Variants in FAM20A observed in about 807,000 individuals in gnomAD.
FAM20A encodes pseudokinase FAM20A.
FAM20A carries 42 observed loss-of-function variants against 52.0 expected under a neutral mutation model. The observed-to-expected ratio is 0.81, with a 90% CI of 0.63 to 1.04. The LOEUF is 1.04. Among genes scored for constraint, FAM20A ranks in the 50% least tolerant of loss-of-function variants. The pLI is 0.00. For synonymous variants in FAM20A, 304 were observed against 298.9 expected (o/e 1.02, Z -0.18); for missense variants, 742 against 712.7 (o/e 1.04, Z -0.47).
At chr17:68,566,326 C>T (rs927517157) in intron 1 of FAM20A, among the ~76,000 whole-genome samples, 1 of 152,214 alleles carries the variant, frequency 6.6e-6, no homozygotes, top group Non-Finnish European at 1.5e-5. Flanking sequence ...CTTAGCACAG[C>T]ACCTTGTGCA....
Position 68,555,639 on chromosome 17 carries a change from C to A in FAM20A, c.509G>T (p.Arg170Leu), listed in dbSNP as rs200466905. 6 of 1,613,606 alleles carry A rather than the reference C, an allele frequency of 3.7e-6. No homozygotes were observed. The Admixed American group carries it at 1.0e-4, about 27-fold the overall frequency. The change falls in exon 2 of 11, where the codon CGC (arginine) becomes CTC (leucine). Residue 170 changes from arginine to leucine, a missense_variant. Coordinates refer to ENST00000592554, the MANE Select transcript of FAM20A (RefSeq NM_017565.4). Reference sequence around the variant, plus strand: ...GCTGGACCGGGAGTAGAGCCCATGGCGGTTAATACCCAGGTGGAACTGGAC... The same window carrying A: ...GCTGGACCGGGAGTAGAGCCCATGGAGGTTAATACCCAGGTGGAACTGGAC... Reference protein sequence around the residue: ...SWVQFHLGINRHGLYSRSSPV... With the variant: ...SWVQFHLGINLHGLYSRSSPV...
Position 68,555,582 on chromosome 17 carries a change from C to T in FAM20A, c.566G>A (p.Arg189Lys). ...PVVSKLLQDM[R>K]HFPTISADYS... ...ACCAGCACTGATGGTGGGAAAGTGC[C>T]TCATGTCTTGCAGAAGTTTGCTGAC... Residue 189 changes from arginine to lysine, a missense_variant, in exon 2 of 11, where the codon AGG becomes AAG. Coordinates refer to ENST00000592554, the MANE Select transcript of FAM20A (RefSeq NM_017565.4). 3.1e-6 allele frequency: 5 copies of T among 1,613,034 alleles called. No individual in the cohort carries two copies. The highest frequency in any genetic ancestry group is 4.2e-6 in the Non-Finnish European group (5 of 1,180,030).
In FAM20A at chr17:68,600,815, C is replaced by T. The variant is rs1429358235; in HGVS notation, c.-149G>A. ...GGAATGCTCCCCGCGCGGGCTAGTCCCCTGTGGAGGGGTGTCGCTCCTCAA... is the reference window on the plus strand; with the variant it reads ...GGAATGCTCCCCGCGCGGGCTAGTCTCCTGTGGAGGGGTGTCGCTCCTCAA... On this transcript the variant is annotated 5_prime_UTR_variant, in exon 1 of 11. Coordinates refer to ENST00000592554, the MANE Select transcript of FAM20A (RefSeq NM_017565.4). The surrounding 1 kb of genome is among the most constrained non-coding windows in gnomAD (Gnocchi z 6.2). The T allele has an allele frequency of 2.5e-6, 2 of 814,426 alleles. No individual in the cohort carries two copies. The highest frequency in any genetic ancestry group is 3.7e-6 in the Non-Finnish European group (2 of 541,932). The allele number at this position is 814,426 out of a possible 1,614,324, so 50.4% of individuals were successfully genotyped here. A position where few individuals can be genotyped will look rare whatever the true frequency, so the allele number is the denominator to read the frequency against.
intron 4 of FAM20A, among the ~76,000 whole-genome samples, chr17:68,549,451 G>A (rs371017285): frequency 1.1e-4 from 16 of 149,836 alleles, no homozygotes; most frequent in Admixed American, 4.0e-4. Context: ...CCGAGATAGC[G>A]CCACTGCACT....
At chr17:68,553,375 A>G (rs548611073) in intron 3 of FAM20A, among the ~76,000 whole-genome samples, 32 of 152,352 alleles carry the variant, frequency 2.1e-4, no homozygotes, top group African/African-American at 7.7e-4. Flanking sequence ...ATTTCTTAAG[A>G]GCAGTGTAAA....
rs1257837154 is a variant in FAM20A at position 68,536,565 on chromosome 17, A to G, written c.*912T>C. On this transcript the variant is annotated 3_prime_UTR_variant, in exon 11 of 11. Coordinates refer to ENST00000592554, the MANE Select transcript of FAM20A (RefSeq NM_017565.4). ...GGCATCTAGAGGGCCTCACCTTTCCACATAGCCCCTTTCTTCTTTTGGGGA... is the reference window on the plus strand; with the variant it reads ...GGCATCTAGAGGGCCTCACCTTTCCGCATAGCCCCTTTCTTCTTTTGGGGA... The G allele has an allele frequency of 2.2e-6, 1 of 453,910 alleles. No homozygotes were observed. The highest frequency in any genetic ancestry group is 6.9e-4 in the Middle Eastern group (1 of 1,444). 28.1% of individuals were successfully genotyped at this position (453,910 alleles called of 1,614,324 possible).
At chr17:68,550,261 A>C (rs2086771609) in intron 4 of FAM20A, among the ~76,000 whole-genome samples, 1 of 152,170 alleles carries the variant, frequency 6.6e-6, no homozygotes, top group Non-Finnish European at 1.5e-5. Context: ...TTTTAAAATC[A>C]ATATAAATAT....
intron 1 of FAM20A, among the ~76,000 whole-genome samples, chr17:68,575,821 CACACACACACAT>C (rs1424513148): frequency 7.4e-6 from 1 of 135,686 alleles, no homozygotes; most frequent in South Asian, 2.5e-4. Context: ...CACACACACA[CACACACACACAT>C]AATCAGCCAT....
intron 1 of FAM20A, among the ~76,000 whole-genome samples, chr17:68,587,049 C>A (rs556283400): frequency 6.6e-6 from 1 of 152,180 alleles, no homozygotes; most frequent in East Asian, 1.9e-4. Context: ...CACTACCATG[C>A]CCAGCTATTT....
chr17:68,542,278 G>T lies in FAM20A; in HGVS notation c.929-113C>A. On this transcript the variant is annotated intron_variant, in intron 6 of 10. Coordinates refer to ENST00000592554, the MANE Select transcript of FAM20A (RefSeq NM_017565.4). ...AGGGAAACCCTGAACTCACAGCTCG[G>T]GAAGAGAAAGAAGAAGAAGGAAACA... 3 of 1,130,832 alleles carry T rather than the reference G, an allele frequency of 2.7e-6. No individual in the cohort carries two copies. The South Asian group carries it at 4.1e-5, about 15-fold the overall frequency. The allele number at this position is 1,130,832 out of a possible 1,614,324, so 70.0% of individuals were successfully genotyped here.
chr17:68,595,218 C>G (rs2088421025), intron 1 of FAM20A, among the ~76,000 whole-genome samples: 1 of 152,252 alleles, frequency 6.6e-6, no homozygotes, highest in South Asian at 2.1e-4. Flanking sequence ...AACAATGGAA[C>G]AGCCTCTGGT....
At chr17:68,585,347 C>T (rs950508470) in intron 1 of FAM20A, among the ~76,000 whole-genome samples, 2 of 151,774 alleles carry the variant, frequency 1.3e-5, no homozygotes, top group Admixed American at 6.6e-5. Flanking sequence ...TATTCAACCC[C>T]TCTGCCTCCC....
intron 1 of FAM20A, among the ~76,000 whole-genome samples, chr17:68,561,470 A>G (rs551784653): frequency 2.4e-4 from 36 of 152,056 alleles, no homozygotes; most frequent in African/African-American, 8.7e-4. Flanking sequence ...ATTTGGGTCT[A>G]TTTCTGGAAG....
In FAM20A at chr17:68,600,782, G is replaced by A. The variant is rs1234607430; in HGVS notation, c.-116C>T. The A allele has an allele frequency of 1.0e-5, 12 of 1,192,804 alleles. No individual in the cohort carries two copies. The African/African-American group carries it at 1.9e-4, about 19-fold the overall frequency. The allele number at this position is 1,192,804 out of a possible 1,614,324, so 73.9% of individuals were successfully genotyped here. A position where few individuals can be genotyped will look rare whatever the true frequency, so the allele number is the denominator to read the frequency against. ...GAGTCCCGCGGGTGGGCCGGGGTCAGTGAGACCGGAATGCTCCCCGCGCGG... is the reference window on the plus strand; with the variant it reads ...GAGTCCCGCGGGTGGGCCGGGGTCAATGAGACCGGAATGCTCCCCGCGCGG... On this transcript the variant is annotated 5_prime_UTR_variant, in exon 1 of 11. Transcript: ENST00000592554. This position sits in a 1 kb window ranked among gnomAD's most constrained non-coding sequence, Gnocchi z 6.2.
In FAM20A at chr17:68,535,723, G is replaced by C. The variant is rs1456240760; in HGVS notation, c.*1754C>G. On this transcript the variant is annotated 3_prime_UTR_variant, in exon 11 of 11. Coordinates refer to ENST00000592554, the MANE Select transcript of FAM20A (RefSeq NM_017565.4). Reference sequence around the variant, plus strand: ...GACAGGGTTTTGTCATGTTACCCAGGCTGGTCTCGAGCTCCTGAGACCAAG... The same window carrying C: ...GACAGGGTTTTGTCATGTTACCCAGCCTGGTCTCGAGCTCCTGAGACCAAG... 2.2e-6 allele frequency: 1 copy of C among 450,994 alleles called. No individual in the cohort carries two copies. The highest frequency in any genetic ancestry group is 7.0e-5 in the East Asian group (1 of 14,360). The allele number at this position is 450,994 out of a possible 1,614,324, so 27.9% of individuals were successfully genotyped here.
intron 1 of FAM20A, among the ~76,000 whole-genome samples, chr17:68,599,181 CTGAGTT>C: frequency 6.6e-6 from 1 of 152,130 alleles, no homozygotes; most frequent in Non-Finnish European, 1.5e-5. Context: ...TGGCCCAGCT[CTGAGTT>C]TCAAGAGAGA....
Position 68,593,661 on chromosome 17 carries a change from GC to G in FAM20A, c.404+6601del, listed in dbSNP as rs1364510208. Among the ~76,000 whole-genome samples, 3 of 152,318 alleles carry G rather than the reference GC, an allele frequency of 2.0e-5. No individual in the cohort carries two copies. In the East Asian group the frequency reaches 5.8e-4, roughly 29 times the overall value. On this transcript the variant is annotated intron_variant, in intron 1 of 10. Coordinates refer to ENST00000592554, the MANE Select transcript of FAM20A (RefSeq NM_017565.4). ...GAAGATAACAGGCCATTGACTAACA[GC>G]CCCCAAATCCTGGTGTCATCTGTTT...
intron 10 of FAM20A, among the ~76,000 whole-genome samples, chr17:68,538,920 G>T (rs573024523): frequency 6.6e-6 from 1 of 152,302 alleles, no homozygotes; most frequent in South Asian, 2.1e-4. Context: ...TCTGAGAAAT[G>T]TATCCTTAAG....
At chr17:68,563,037 G>T (rs8064440) in intron 1 of FAM20A, among the ~76,000 whole-genome samples, 3,476 of 152,182 alleles carry the variant, frequency 0.023, 136 homozygotes, top group African/African-American at 0.079. Context: ...TTATCTGAAC[G>T]GAATGGATCC....
Sources: allele counts gnomAD v4.1 joint callset (sites outside exome capture counted in the v4.1 genomes callset), GRCh38; gene constraint gnomAD v4.1.1; non-coding constraint Gnocchi (gnomAD v3.1); transcripts MANE v1.5; gene names NCBI Gene and HGNC (gene_info 2026-07-23, HGNC 2026-07-21).